The following KIF14 variants were observed in gnomAD, a reference collection of about 807,000 sequenced individuals.
The protein encoded by KIF14 is kinesin family member 14.
A neutral mutation model predicts 176.2 loss-of-function variants in KIF14; 98 were observed. The ratio of observed to expected loss-of-function variants is 0.56; its 90% confidence interval spans 0.47 to 0.66. The LOEUF is 0.66. Among genes scored for constraint, KIF14 ranks in the 30% least tolerant of loss-of-function variants. The pLI, the probability that KIF14 is intolerant of heterozygous loss-of-function variation, is 0.00. For synonymous variants in KIF14, 566 were observed against 632.2 expected, an observed-to-expected ratio of 0.90 and a Z score of 1.57; for missense variants, 1,751 against 1,920.4, an observed-to-expected ratio of 0.91 and a Z score of 1.65.
chr1:200,581,166 T>G, intron 20 of KIF14, 35 bp downstream of exon 20: 3 of 1,189,820 alleles, frequency 2.5e-6, no homozygotes, highest in Non-Finnish European at 3.6e-6. Flanking sequence ...CCAACTTGTT[T>G]AAAACATTTA....
chr1:200,576,496 A>G (rs1285210649), intron 21 of KIF14, among the ~76,000 whole-genome samples: 5 of 148,416 alleles, frequency 3.4e-5, no homozygotes, highest in Non-Finnish European at 7.4e-5. Flanking sequence ...AAAAAAAAAA[A>G]GTAGGAGGTA....
intron 14 of KIF14, among the ~76,000 whole-genome samples, chr1:200,594,915 G>T (rs571623172): frequency 6.6e-6 from 1 of 152,268 alleles, no homozygotes; most frequent in Admixed American, 6.5e-5. Context: ...TATACAATGT[G>T]TACTTGTTCT....
chr1:200,569,321 T>C (rs1174995521), intron 23 of KIF14, among the ~76,000 whole-genome samples: 1 of 152,186 alleles, frequency 6.6e-6, no homozygotes, highest in Non-Finnish European at 1.5e-5. Flanking sequence ...AATAACATTA[T>C]AATAAATATT....
chr1:200,580,904 T>G (rs1217752394), intron 20 of KIF14, among the ~76,000 whole-genome samples: 1 of 150,876 alleles, frequency 6.6e-6, no homozygotes, highest in Non-Finnish European at 1.5e-5. Context: ...AGGTCAAGAG[T>G]TTGAAACCAG....
chr1:200,611,707 T>G (rs569771350), intron 4 of KIF14, among the ~76,000 whole-genome samples: 16 of 152,318 alleles, frequency 1.1e-4, no homozygotes, highest in South Asian at 2.1e-4. Flanking sequence ...CTATACCACC[T>G]TCTATTACCC....
chr1:200,619,255 T>G (rs1660565786), intron 1 of KIF14, among the ~76,000 whole-genome samples: 1 of 151,854 alleles, frequency 6.6e-6, no homozygotes. Flanking sequence ...CCCTAGCACC[T>G]AAATCAGAGT....
At position 200,565,163 on chromosome 1, in the gene KIF14, C is replaced by T. The variant is rs1657376463; in HGVS notation, c.3977G>A (p.Ser1326Asn). Residue 1326 changes from serine to asparagine, a missense_variant, in exon 25 of 30, where the codon AGT (serine) becomes AAT (asparagine). Transcript: ENST00000367350. The part of the protein sequence containing the change: ...QLVVLMKHWL[S>N]DLLPCTNIAR... ...TATGTTGGTACAAGGCAGTAAATCA[C>T]TCAGCCAGTGTTTCATTAGCACTAC... is the stretch of plus-strand genomic sequence containing the variant. 3 of 1,613,964 alleles carry T rather than the reference C, an allele frequency of 1.9e-6. No individual in the cohort carries two copies. The highest frequency in any genetic ancestry group is 3.3e-5 in the Admixed American group (2 of 60,028).
rs1659704239 is a variant in KIF14, at chr1:200,603,097, T to A, written c.1979+129A>T. 2.1e-5 allele frequency: 11 copies of A among 517,366 alleles called. No individual in the cohort carries two copies. The East Asian group carries it at 3.1e-4, about 15-fold the overall frequency. 32.0% of individuals were successfully genotyped at this position (517,366 alleles called of 1,614,324 possible). ...TGAGCTGAGATTCAAATCCAGGTAG[T>A]TTGGCTCTAGAATTCATAATGCTTA... On this transcript the variant is annotated intron_variant, in intron 10 of 29. Transcript: ENST00000367350.
intron 22 of KIF14, among the ~76,000 whole-genome samples, chr1:200,575,385 T>C (rs570737258): frequency 2.0e-5 from 3 of 152,306 alleles, no homozygotes; most frequent in East Asian, 3.9e-4. Flanking sequence ...AACTGACTAA[T>C]AAACAATTTA....
At chr1:200,593,390 C>A (rs1659151028) in intron 15 of KIF14, among the ~76,000 whole-genome samples, 1 of 152,138 alleles carries the variant, frequency 6.6e-6, no homozygotes, top group South Asian at 2.1e-4. Context: ...AATGGCAAAG[C>A]CAGGATTTCA....
rs1466402020 is a variant in KIF14 at position 200,560,833 on chromosome 1, AT to A, written c.4118del (p.Asn1373MetfsTer10). 6.2e-7 allele frequency: 1 copy of A among 1,613,924 alleles called. No individual in the cohort carries two copies. The highest frequency in any genetic ancestry group is 1.3e-5 in the African/African-American group (1 of 74,924). ...CAGCTTGTTGTACAATTTGGATTGC[AT>A]TCTTTTGAGCCTCTTTTATCATTGA... Reference protein sequence around the residue: ...ISSMIKEAQKNAIQIVQQAVK... With the variant: ...ISSMIKEAQKXAIQIVQQAVK... On this transcript the variant is annotated frameshift_variant, in exon 26 of 30. Transcript: ENST00000367350. LOFTEE classifies it high-confidence loss of function.
chr1:200,619,710 C>A (rs976821689), intron 1 of KIF14, among the ~76,000 whole-genome samples: 3 of 152,188 alleles, frequency 2.0e-5, no homozygotes, highest in Non-Finnish European at 2.9e-5. Flanking sequence ...TGTCACGAGG[C>A]AGATTATTCC....
At chr1:200,566,067 G>A (rs1657430840) in intron 23 of KIF14, among the ~76,000 whole-genome samples, 1 of 152,094 alleles carries the variant, frequency 6.6e-6, no homozygotes, top group Non-Finnish European at 1.5e-5. Flanking sequence ...ATTCAAAGTA[G>A]GCTATACTTA....
At chr1:200,569,817 T>C in intron 23 of KIF14, 94 bp downstream of exon 23, 1 of 628,872 alleles carries the variant, frequency 1.6e-6, no homozygotes, top group Non-Finnish European at 2.7e-6. Flanking sequence ...TTCCAGGAAA[T>C]GAAATGATTT....
chr1:200,604,925 A>T (rs1429501834), intron 8 of KIF14, among the ~76,000 whole-genome samples: 1 of 152,114 alleles, frequency 6.6e-6, no homozygotes, highest in Non-Finnish European at 1.5e-5. Flanking sequence ...TGATCATATC[A>T]ATGTTATCAT....
chr1:200,607,607 T>C (rs1217609277), intron 5 of KIF14, among the ~76,000 whole-genome samples: 1 of 152,230 alleles, frequency 6.6e-6, no homozygotes, highest in Admixed American at 6.5e-5. Context: ...GCTTTAAACA[T>C]ATAGAAATCA....
At chr1:200,589,194 A>T in intron 18 of KIF14, 23 bp downstream of exon 18, 1 of 1,571,252 alleles carries the variant, frequency 6.4e-7, no homozygotes. Flanking sequence ...GAATAGAGTT[A>T]ACTGGTTACA....
In KIF14 at chr1:200,575,522, TACACAC is replaced by T. The variant is rs35571944; in HGVS notation, c.3566+63_3566+68del. 9.5e-4 allele frequency: 594 copies of T among 623,952 alleles called. 1 individual carries two copies. The highest frequency in any genetic ancestry group is 1.5e-3 in the South Asian group (44 of 29,348). The allele number at this position is 623,952 out of a possible 1,614,324, so 38.7% of individuals were successfully genotyped here. Reference sequence around the variant, plus strand: ...GAAATAATATATATGATATACAATTTACACACACACACACACACACACATGCACACA... The same window carrying T: ...GAAATAATATATATGATATACAATTTACACACACACACACACATGCACACA... On this transcript the variant is annotated intron_variant, in intron 22 of 29. Transcript: ENST00000367350.
At position 200,605,385 on chromosome 1, in the gene KIF14, C is replaced by A. The variant is rs1659827816; in HGVS notation, c.1644G>T (p.Trp548Cys). The A allele has an allele frequency of 6.2e-7, 1 of 1,609,276 alleles. No individual in the cohort carries two copies. The highest frequency in any genetic ancestry group is 8.5e-7 in the Non-Finnish European group (1 of 1,176,698). Residue 548 changes from tryptophan to cysteine, a missense_variant, in exon 8 of 30, where the codon TGG becomes TGT. Transcript: ENST00000367350. ...CTCTTTGTTTATTTCCCAATTCTAG[C>A]CAACTCTTATAAGAAAAAAGGAAGG... ...IVSSYADIQS[W>C]LELGNKQRAT...
Sources: gnomAD v4.1 joint callset for allele counts (sites outside exome capture counted in the v4.1 genomes callset) on GRCh38, gnomAD v4.1.1 for gene constraint, MANE v1.5 for transcripts, NCBI Gene and HGNC (gene_info 2026-07-23, HGNC 2026-07-21) for gene names.